The following MED14 variants were observed in gnomAD, a reference collection of about 807,000 sequenced individuals.
MED14 encodes the protein mediator complex subunit 14.
A neutral mutation model predicts 109.0 loss-of-function variants in MED14; 8 were observed. That is an observed-to-expected ratio of 0.07 (90% CI 0.04 to 0.13). The LOEUF (loss-of-function observed/expected upper bound fraction) is 0.13. MED14 is among the 10% of genes least tolerant of loss of function. The pLI, the probability that MED14 is intolerant of heterozygous loss-of-function variation, is 1.00. For synonymous variants in MED14, 399 were observed against 408.7 expected (o/e 0.98, Z 0.29); for missense variants, 711 against 1,142.4 (o/e 0.62, Z 5.44).
At chrX:40,673,862 A>G (rs1287445944) in intron 22 of MED14, among the ~76,000 whole-genome samples, 1 of 92,359 alleles carries the variant, frequency 1.1e-5, no homozygotes, top group African/African-American at 3.8e-5. Context: ...AAAAAAAAAA[A>G]ATCATTATAG....
intron 26 of MED14, 79 bp downstream of exon 26, chrX:40,662,846 G>T: frequency 1.3e-6 from 1 of 743,866 alleles, no homozygotes; most frequent in Non-Finnish European, 2.0e-6. Flanking sequence ...TGTCACGTTA[G>T]TTCAGATCCT....
chrX:40,702,348 T>TG (rs1405605239), intron 11 of MED14, among the ~76,000 whole-genome samples: 1 of 99,435 alleles, frequency 1.0e-5, no homozygotes, highest in African/African-American at 3.8e-5. Context: ...TAAGTTTTGT[T>TG]TTTTTTTTTT....
chrX:40,683,772 T>C (rs1175968721), intron 16 of MED14, among the ~76,000 whole-genome samples: 1 of 111,918 alleles, frequency 8.9e-6, no homozygotes, highest in African/African-American at 3.3e-5. Context: ...TCCTCCTCTG[T>C]AGAGGTAACT....
chrX:40,655,329 A>G (rs1224487751), intron 28 of MED14, among the ~76,000 whole-genome samples: 1 of 110,967 alleles, frequency 9.0e-6, no homozygotes, highest in African/African-American at 3.3e-5. Context: ...GGTCTCTGAC[A>G]TCTGTTCCCT....
chrX:40,723,109 C>T (rs1931774575), intron 3 of MED14, among the ~76,000 whole-genome samples: 1 of 112,034 alleles, frequency 8.9e-6, no homozygotes, highest in South Asian at 3.7e-4. Flanking sequence ...GTAAACTACT[C>T]CTATCTTCAG....
intron 6 of MED14, 87 bp from the exon 7 acceptor site, chrX:40,712,380 A>C: frequency 1.7e-6 from 1 of 574,246 alleles, no homozygotes; most frequent in Non-Finnish European, 2.7e-6. Flanking sequence ...CATAATAACA[A>C]TGAATTTTTT....
At chrX:40,735,635 TG>T (rs1045160581), upstream of MED14, 14 of 494,246 alleles carry the variant, frequency 2.8e-5, no homozygotes, top group East Asian at 3.5e-4. Flanking sequence ...GAGGCGGGGA[TG>T]GGGGGGAAGC....
At chrX:40,694,423 C>T (rs772997903) in intron 13 of MED14, among the ~76,000 whole-genome samples, 2 of 111,382 alleles carry the variant, frequency 1.8e-5, no homozygotes, top group East Asian at 5.6e-4. Context: ...TTAGGAAAGG[C>T]TCCTGACCAA....
intron 22 of MED14, among the ~76,000 whole-genome samples, chrX:40,673,810 C>T (rs1045702365): frequency 3.0e-5 from 3 of 101,667 alleles, no homozygotes; most frequent in Non-Finnish European, 4.0e-5. Context: ...CACGCCATTG[C>T]ACTCCAGCCT....
chrX:40,712,142 C>A, intron 7 of MED14, 44 bp downstream of exon 7: 1 of 1,010,251 alleles, frequency 9.9e-7, no homozygotes, highest in African/African-American at 1.9e-5. Context: ...GGAGAGGTAC[C>A]ACAAAATCCT....
rs374248704 is a variant in MED14 at position 40,688,443 on chromosome X, C to T, written c.2057+11G>A. On this transcript the variant is annotated intron_variant, in intron 16 of 30. Coordinates refer to ENST00000324817, the MANE Select transcript of MED14 (RefSeq NM_004229.4). ...ATGTGGCACCAAGTGAAACATATGA[C>T]AGGGGCTTACTTTAATAAGCGAATT... 27 of 1,179,273 alleles carry T rather than the reference C, an allele frequency of 2.3e-5. No homozygotes were observed. The highest frequency in any genetic ancestry group is 3.0e-5 in the Non-Finnish European group (26 of 867,241).
At chrX:40,700,838 A>G (rs1016906955) in intron 12 of MED14, among the ~76,000 whole-genome samples, 1 of 112,142 alleles carries the variant, frequency 8.9e-6, no homozygotes, top group Admixed American at 9.5e-5. Flanking sequence ...AACAAATAGG[A>G]CTTTATTACA....
In MED14 at chrX:40,691,607, C is replaced by CTTTTTTTTTTTTTTTTTTT. The variant is rs36144185; in HGVS notation, c.1980+557_1980+575dup. Among the ~76,000 whole-genome samples the CTTTTTTTTTTTTTTTTTTT allele has an allele frequency of 5.0e-5, 3 of 59,452 alleles. 1 individual carries two copies. The highest frequency in any genetic ancestry group is 9.0e-5 in the Non-Finnish European group (3 of 33,187). The allele number at this position is 59,452 out of a possible 115,157, so 51.6% of individuals were successfully genotyped here. ...CAGCCTGTCCACTTTTTCTTTTAAT[C>CTTTTTTTTTTTTTTTTTTT]TTTTTTTTTTTTTTTTTTTTTGGAG... On this transcript the variant is annotated intron_variant, in intron 15 of 30. Transcript: ENST00000324817.
intron 12 of MED14, 113 bp downstream of exon 12, chrX:40,701,036 AAACGGCACTTAAGTTT>A (rs1930916585): frequency 2.4e-6 from 1 of 422,500 alleles, no homozygotes; most frequent in Admixed American, 4.6e-5. Context: ...CTAAGGTACC[AAACGGCACTTAAGTTT>A]CATGTCATAA....
Position 40,648,382 on chromosome X carries a change from G to A in MED14, c.*3424C>T, listed in dbSNP as rs1243627155. On this transcript the variant is annotated 3_prime_UTR_variant, in exon 31 of 31. Transcript: ENST00000324817. ...TTGTGTGTAGTTAAAAGCCTCTGAG[G>A]AAAGAGTCTAAACATTAAACCTTCC... 2 of 111,692 alleles carry A rather than the reference G, an allele frequency of 1.8e-5. No individual in the cohort carries two copies. The highest frequency in any genetic ancestry group is 6.5e-5 in the African/African-American group (2 of 30,699). 9.2% of individuals were successfully genotyped at this position (111,692 alleles called of 1,213,427 possible).
rs989373916 is a variant in MED14 at position 40,692,863 on chromosome X, G to A, written c.1690C>T (p.Leu564=). Residue 564 remains leucine, a synonymous_variant, in exon 14 of 31, where the codon CTG becomes TTG. Coordinates refer to ENST00000324817, the MANE Select transcript of MED14 (RefSeq NM_004229.4). ...MLEVPNKPTQ[L]SYKYYFMSVN... Reference sequence around the variant, plus strand: ...GACATAAAGTAGTACTTGTACGACAGTTGTGTGGGTTTATTGGGAACCTCC... The same window carrying A: ...GACATAAAGTAGTACTTGTACGACAATTGTGTGGGTTTATTGGGAACCTCC... The A allele has an allele frequency of 5.9e-6, 7 of 1,188,345 alleles. No individual in the cohort carries two copies. Among genetic ancestry groups the A allele is most frequent in the Non-Finnish European group, 7.9e-6 (7 of 885,525 alleles).
chrX:40,723,527 A>G (rs1931790700), intron 3 of MED14, among the ~76,000 whole-genome samples: 1 of 109,297 alleles, frequency 9.1e-6, no homozygotes, highest in Non-Finnish European at 1.9e-5. Flanking sequence ...TTAGCTGGGC[A>G]TGGTGGCATG....
At chrX:40,686,139 T>G (rs1475675722) in intron 16 of MED14, among the ~76,000 whole-genome samples, 1 of 111,954 alleles carries the variant, frequency 8.9e-6, no homozygotes, top group African/African-American at 3.2e-5. Context: ...TTATGTATAT[T>G]TTCCTTTACA....
Position 40,710,036 on chromosome X carries a change from A to T in MED14, c.1116T>A (p.Ile372=). ...DENDVSKPLQ[I]FHDPPLPASD... Reference sequence around the variant, plus strand: ...AAGCTGGCAAAGGAGGATCGTGAAAAATCTGTAAAGGCTTGGAGACATCAT... The same window carrying T: ...AAGCTGGCAAAGGAGGATCGTGAAATATCTGTAAAGGCTTGGAGACATCAT... Residue 372 remains isoleucine, a synonymous_variant, in exon 9 of 31, where the codon ATT becomes ATA. Coordinates refer to ENST00000324817, the MANE Select transcript of MED14 (RefSeq NM_004229.4). 8.4e-7 allele frequency: 1 copy of T among 1,184,645 alleles called. No individual in the cohort carries two copies. Among genetic ancestry groups the T allele is most frequent in the Non-Finnish European group, 1.1e-6 (1 of 877,623 alleles).
Sources: allele counts gnomAD v4.1 joint callset (sites outside exome capture counted in the v4.1 genomes callset), GRCh38; gene constraint gnomAD v4.1.1; transcripts MANE v1.5; gene names NCBI Gene and HGNC (gene_info 2026-07-23, HGNC 2026-07-21).